The following CYFIP1 variants were observed in gnomAD, a reference collection of about 807,000 sequenced individuals.
CYFIP1 encodes cytoplasmic FMR1 interacting protein 1.
A neutral mutation model predicts 163.5 loss-of-function variants in CYFIP1; 58 were observed. The ratio of observed to expected loss-of-function variants is 0.35; its 90% confidence interval spans 0.29 to 0.44. The LOEUF is 0.44. Ranked by LOEUF, CYFIP1 falls within the 20% of genes least tolerant of loss-of-function variation. The probability of loss-of-function intolerance (pLI) is 1.00; values close to 1 mark genes in which losing one functional copy is unlikely to be tolerated. For missense variants in CYFIP1, 1,338 were observed against 1,653.8 expected (o/e 0.81, Z 3.31); for synonymous variants, 663 against 660.7 (o/e 1.00, Z -0.05).
intron 25 of CYFIP1, among the ~76,000 whole-genome samples, chr15:22,880,319 C>T (rs933592152): frequency 6.6e-6 from 1 of 152,210 alleles, no homozygotes; most frequent in African/African-American, 2.4e-5. Context: ...TGATAGGAAA[C>T]GTCACCACAT....
At chr15:22,927,459 G>A (rs2142182094) in intron 12 of CYFIP1, among the ~76,000 whole-genome samples, 1 of 138,386 alleles carries the variant, frequency 7.2e-6, no homozygotes, top group Non-Finnish European at 1.5e-5. Flanking sequence ...CTCCAGCCTG[G>A]GCAACAAGAG....
intron 1 of CYFIP1, among the ~76,000 whole-genome samples, chr15:22,957,902 A>G (rs373886931): frequency 1.4e-3 from 220 of 152,320 alleles, no homozygotes; most frequent in African/African-American, 4.9e-3. Context: ...TCCCAGGTGT[A>G]GAAAGAATGT....
intron 28 of CYFIP1, among the ~76,000 whole-genome samples, chr15:22,874,135 C>T (rs900006951): frequency 2.0e-5 from 3 of 152,166 alleles, no homozygotes; most frequent in Non-Finnish European, 2.9e-5. Flanking sequence ...CGCCCCAGCC[C>T]CCACCATAGA....
intron 22 of CYFIP1, among the ~76,000 whole-genome samples, chr15:22,896,607 C>T (rs12915632): frequency 0.19 from 28,595 of 151,848 alleles, 3,033 homozygotes; most frequent in Admixed American, 0.33. Flanking sequence ...CTCTGATATT[C>T]GGCCCAACAA....
chr15:22,967,755 G>C (rs374687903), intron 1 of CYFIP1, among the ~76,000 whole-genome samples: 1 of 152,272 alleles, frequency 6.6e-6, no homozygotes, highest in South Asian at 2.1e-4. Context: ...TGAAATACAA[G>C]AAGGCCGGGC....
At chr15:22,923,841 G>A (rs868519885) in intron 13 of CYFIP1, among the ~76,000 whole-genome samples, 1 of 150,814 alleles carries the variant, frequency 6.6e-6, no homozygotes, top group Non-Finnish European at 1.5e-5. Context: ...TACTTGGGAG[G>A]CTGGGGAGGG....
chr15:22,876,150 G>A (rs1037194798), intron 26 of CYFIP1, among the ~76,000 whole-genome samples: 1 of 151,916 alleles, frequency 6.6e-6, no homozygotes, highest in Non-Finnish European at 1.5e-5. Context: ...TAAAAGAAAT[G>A]ATTAAACAAA....
chr15:22,886,437 A>G (rs114539040), intron 23 of CYFIP1, among the ~76,000 whole-genome samples: 2,597 of 152,316 alleles, frequency 0.017, 79 homozygotes, highest in African/African-American at 0.059. Context: ...CGAATAATCA[A>G]ATCAAATAAA....
At chr15:22,946,785 G>T in intron 3 of CYFIP1, 1 of 685,880 alleles carries the variant, frequency 1.5e-6, no homozygotes, top group Non-Finnish European at 2.7e-6. Context: ...GCTGACAAAG[G>T]TTTTCTCTGG....
At chr15:22,979,424 G>A (rs574805605) in intron 1 of CYFIP1, among the ~76,000 whole-genome samples, 49 of 151,058 alleles carry the variant, frequency 3.2e-4, no homozygotes, top group African/African-American at 1.2e-3. Context: ...CACCGCTCCC[G>A]GCGCAGCCAC....
rs1283350370 is a variant in CYFIP1, at chr15:22,947,242, T to C, written c.44A>G (p.Asp15Gly). 2 of 1,613,110 alleles carry C rather than the reference T, an allele frequency of 1.2e-6. No individual in the cohort carries two copies. The highest frequency in any genetic ancestry group is 2.2e-5 in the East Asian group (1 of 44,828). ...GGGCAGGGGCAGCTCCTCCAGGAGGTCCACGTTGGACAGCGCGTCCTCCAG... is the reference window on the plus strand; with the variant it reads ...GGGCAGGGGCAGCTCCTCCAGGAGGCCCACGTTGGACAGCGCGTCCTCCAG... ...VTLEDALSNVDLLEELPLPDQ... is the reference protein window; with the variant it reads ...VTLEDALSNVGLLEELPLPDQ... Residue 15 changes from aspartate to glycine, a missense_variant, in exon 2 of 31, where the codon GAC becomes GGC. Coordinates refer to ENST00000617928, the MANE Select transcript of CYFIP1 (RefSeq NM_014608.6).
chr15:22,953,112 G>A (rs2062315633), intron 1 of CYFIP1, among the ~76,000 whole-genome samples: 1 of 152,254 alleles, frequency 6.6e-6, no homozygotes, highest in African/African-American at 2.4e-5. Flanking sequence ...ATGCGAATCT[G>A]CACAGCTTCT....
chr15:22,971,071 G>A (rs1283813242), intron 1 of CYFIP1, among the ~76,000 whole-genome samples: 1 of 151,910 alleles, frequency 6.6e-6, no homozygotes, highest in African/African-American at 2.4e-5. Flanking sequence ...GCAAGGATCT[G>A]TCTCGAAAAA....
intron 9 of CYFIP1, among the ~76,000 whole-genome samples, chr15:22,935,027 T>C (rs1056193508): frequency 6.6e-6 from 1 of 152,278 alleles, no homozygotes; most frequent in South Asian, 2.1e-4. Context: ...TCTCTCAAAA[T>C]AGATCTATAA....
intron 26 of CYFIP1, among the ~76,000 whole-genome samples, chr15:22,878,674 TAAAAA>T (rs199504341): frequency 1.6e-5 from 2 of 121,722 alleles, no homozygotes; most frequent in African/African-American, 6.1e-5. Flanking sequence ...GATGGTAGAT[TAAAAA>T]AAAAAAAAAG....
At chr15:22,960,182 A>G (rs1263073186) in intron 1 of CYFIP1, among the ~76,000 whole-genome samples, 1 of 152,146 alleles carries the variant, frequency 6.6e-6, no homozygotes, top group Non-Finnish European at 1.5e-5. Flanking sequence ...GGTCAAGCCC[A>G]TGACCTTAGC....
chr15:22,977,587 T>C (rs566720962), intron 1 of CYFIP1, among the ~76,000 whole-genome samples: 38 of 152,264 alleles, frequency 2.5e-4, no homozygotes, highest in African/African-American at 7.9e-4. Flanking sequence ...TCCCAGCACG[T>C]TGGGAGGCCG....
intron 1 of CYFIP1, among the ~76,000 whole-genome samples, chr15:22,955,770 T>C (rs2062426954): frequency 6.6e-6 from 1 of 152,174 alleles, no homozygotes; most frequent in African/African-American, 2.4e-5. Context: ...TGCCTCCCCA[T>C]GCTGCCCTTG....
intron 11 of CYFIP1, among the ~76,000 whole-genome samples, chr15:22,931,029 A>G (rs180791299): frequency 2.2e-4 from 33 of 152,252 alleles, no homozygotes; most frequent in Admixed American, 7.2e-4. Flanking sequence ...TAGAAGCAGC[A>G]GGTGCCCCAA....
Sources: gnomAD v4.1 joint callset for allele counts (sites outside exome capture counted in the v4.1 genomes callset) on GRCh38, gnomAD v4.1.1 for gene constraint, MANE v1.5 for transcripts, NCBI Gene and HGNC (gene_info 2026-07-23, HGNC 2026-07-21) for gene names.